GABPA: variants seen among roughly 807,000 people sequenced by gnomAD.
GABPA encodes the protein GA binding protein transcription factor subunit alpha.
Under a neutral mutation model 59.4 loss-of-function variants are expected in GABPA, and 4 were observed. The ratio of observed to expected loss-of-function variants is 0.07; its 90% confidence interval spans 0.03 to 0.15. GABPA has a LOEUF of 0.15. Ranked by LOEUF, GABPA falls within the 10% of genes least tolerant of loss-of-function variation. The pLI is 1.00. For missense variants in GABPA, 251 were observed against 543.8 expected (o/e 0.46, Z 5.36); for synonymous variants, 164 against 183.1 (o/e 0.90, Z 0.84).
chr21:25,749,619 G>A (rs2035457122), intron 4 of GABPA, among the ~76,000 whole-genome samples: 1 of 152,172 alleles, frequency 6.6e-6, no homozygotes, highest in Admixed American at 6.5e-5. Context: ...ATCATTTGAG[G>A]TCAAGAGTTT....
chr21:25,751,970 T>C lies in GABPA; in HGVS notation c.308-19T>C. 6.2e-7 allele frequency: 1 copy of C among 1,603,172 alleles called. No homozygotes were observed. The highest frequency in any genetic ancestry group is 1.1e-5 in the South Asian group (1 of 90,288). ...GCGTTTTCATTTAGATTTACAATTT[T>C]TTTTTATCCACTGTTCAGGAATTGA... On this transcript the variant is annotated intron_variant, in intron 4 of 9. Transcript: ENST00000400075.
chr21:25,757,408 T>G (rs1312692685), intron 5 of GABPA, among the ~76,000 whole-genome samples: 1 of 151,192 alleles, frequency 6.6e-6, no homozygotes, highest in Non-Finnish European at 1.5e-5. Flanking sequence ...ACTGTTAGGT[T>G]CTAAAGATAG....
intron 3 of GABPA, among the ~76,000 whole-genome samples, chr21:25,746,535 A>C (rs71649680): frequency 0.014 from 2,095 of 152,278 alleles, 47 homozygotes; most frequent in African/African-American, 0.048. Context: ...GAAGTGTTTT[A>C]ACAAAATTTG....
Position 25,764,353 on chromosome 21 carries a change from A to G in GABPA, c.943+3A>G, listed in dbSNP as rs767004923. 6.3e-7 allele frequency: 1 copy of G among 1,596,414 alleles called. No homozygotes were observed. Among genetic ancestry groups the G allele is most frequent in the Non-Finnish European group, 8.5e-7 (1 of 1,173,454 alleles). On this transcript the variant is annotated splice_donor_region_variant and intron_variant, in intron 8 of 9. Transcript: ENST00000400075. ...AAGCTCACCTGGGAACAGAACAGGTATTTTTGTATTTTCTTGTATTTATAA... is the reference window on the plus strand; with the variant it reads ...AAGCTCACCTGGGAACAGAACAGGTGTTTTTGTATTTTCTTGTATTTATAA...
chr21:25,750,875 A>G (rs1403570472), intron 4 of GABPA, among the ~76,000 whole-genome samples: 1 of 152,216 alleles, frequency 6.6e-6, no homozygotes, highest in African/African-American at 2.4e-5. Context: ...GATTTTAACA[A>G]AAAATATTTT....
intron 5 of GABPA, among the ~76,000 whole-genome samples, chr21:25,754,613 ATATATT>A (rs965669897): frequency 6.7e-5 from 10 of 150,132 alleles, no homozygotes; most frequent in African/African-American, 2.5e-4. Flanking sequence ...TATATTGATT[ATATATT>A]TTTTTTTAAC....
At chr21:25,753,175 C>T (rs982194775) in intron 5 of GABPA, among the ~76,000 whole-genome samples, 1 of 152,052 alleles carries the variant, frequency 6.6e-6, no homozygotes, top group African/African-American at 2.4e-5. Context: ...CTTTCAAAAG[C>T]CCAGTTGGGG....
chr21:25,763,520 T>G (rs575637243), intron 7 of GABPA, among the ~76,000 whole-genome samples: 1 of 152,292 alleles, frequency 6.6e-6, no homozygotes, highest in East Asian at 1.9e-4. Context: ...GAGAACTATC[T>G]TGAATTTTAT....
chr21:25,768,189 T>C (rs939460447), intron 9 of GABPA, among the ~76,000 whole-genome samples: 1 of 151,974 alleles, frequency 6.6e-6, no homozygotes, highest in African/African-American at 2.4e-5. Flanking sequence ...AAACTAGATT[T>C]CTAGAATGAT....
chr21:25,736,415 C>G (rs1264081169), intron 1 of GABPA, among the ~76,000 whole-genome samples: 15 of 152,286 alleles, frequency 9.8e-5, no homozygotes, highest in Non-Finnish European at 1.5e-5. Flanking sequence ...TCTTGAACTT[C>G]AGAAGAAACC....
intron 2 of GABPA, among the ~76,000 whole-genome samples, chr21:25,742,772 A>C (rs1057405998): frequency 6.9e-4 from 105 of 151,722 alleles, no homozygotes; most frequent in African/African-American, 2.4e-3. Context: ...AAAAAAAAAA[A>C]AATAGCCTGG....
At chr21:25,766,115 A>T (rs762379552) in intron 9 of GABPA, among the ~76,000 whole-genome samples, 3 of 151,996 alleles carry the variant, frequency 2.0e-5, no homozygotes, top group African/African-American at 7.2e-5. Flanking sequence ...CCAAAATAGA[A>T]CCAGGAATAT....
intron 4 of GABPA, among the ~76,000 whole-genome samples, chr21:25,751,394 G>A (rs2035509548): frequency 6.6e-6 from 1 of 150,884 alleles, no homozygotes; most frequent in East Asian, 1.9e-4. Context: ...TTTTTCCATA[G>A]GAATTACAGT....
rs2035979988 is a variant in GABPA at position 25,770,092 on chromosome 21, A to C, written c.*860A>C. ...TTGTTATGGCTTCCTTTTTTAAAAA[A>C]TTACCCTGTAGTGCCAGTTTATTAT... On this transcript the variant is annotated 3_prime_UTR_variant, in exon 10 of 10. Transcript: ENST00000400075. 6.6e-6 allele frequency: 1 copy of C among 152,582 alleles called. No homozygotes were observed. Among genetic ancestry groups the C allele is most frequent in the Non-Finnish European group, 1.5e-5 (1 of 68,002 alleles). The allele number at this position is 152,582 out of a possible 1,614,324, so 9.5% of individuals were successfully genotyped here. A position where few individuals can be genotyped will look rare whatever the true frequency, so the allele number is the denominator to read the frequency against.
Position 25,752,225 on chromosome 21 carries a change from A to G in GABPA, c.544A>G (p.Ile182Val), listed in dbSNP as rs2035530488. The G allele has an allele frequency of 6.2e-7, 1 of 1,613,234 alleles. No individual in the cohort carries two copies. The highest frequency in any genetic ancestry group is 8.5e-7 in the Non-Finnish European group (1 of 1,179,636). Residue 182 changes from isoleucine to valine, a missense_variant, in exon 5 of 10, where the codon ATA (isoleucine) becomes GTA (valine). This residue lies in a region of GABPA where 207 missense variants were observed against 366.7 expected (regional missense o/e 0.56). Transcript: ENST00000400075. Reference protein sequence around the residue: ...GYRKEQERLGIPYDPIQWSTD... With the variant: ...GYRKEQERLGVPYDPIQWSTD... ...TAGGAAAGAACAAGAACGCCTTGGG[A>G]TACCCTATGGTAATAAAATGCATAA...
intron 2 of GABPA, among the ~76,000 whole-genome samples, chr21:25,744,123 T>C (rs1360880068): frequency 6.6e-6 from 1 of 151,790 alleles, no homozygotes; most frequent in African/African-American, 2.4e-5. Context: ...TTTTTTTACC[T>C]TAACAAATAA....
At chr21:25,755,453 A>C (rs7276181) in intron 5 of GABPA, among the ~76,000 whole-genome samples, 56 of 145,248 alleles carry the variant, frequency 3.9e-4, no homozygotes, top group African/African-American at 1.2e-3. Context: ...AAAAAAAAAA[A>C]GGGCAAAGAA....
intron 1 of GABPA, among the ~76,000 whole-genome samples, chr21:25,737,204 G>T (rs7283438): frequency 0.035 from 5,356 of 152,296 alleles, 299 homozygotes; most frequent in African/African-American, 0.12. Flanking sequence ...ATATGAAATT[G>T]TTCTGTGCAG....
chr21:25,734,980 G>C lies in GABPA; in HGVS notation c.-625G>C, dbSNP rs1568933434. The stretch of plus-strand genomic sequence containing the variant: ...TTATGGGCCGCCGTTTCAGTCGGTC[G>C]ACGCTCACCGGACAGGAAGCGTCTC... On this transcript the variant is annotated 5_prime_UTR_variant, in exon 1 of 10. Transcript: ENST00000400075. The C allele has an allele frequency of 6.4e-7, 1 of 1,560,124 alleles. No homozygotes were observed. Among genetic ancestry groups the C allele is most frequent in the Non-Finnish European group, 8.7e-7 (1 of 1,154,406 alleles).
Sources: gnomAD v4.1 joint callset for allele counts (sites outside exome capture counted in the v4.1 genomes callset) on GRCh38, gnomAD v4.1.1 for gene constraint, gnomAD v4.1.1 regional missense constraint, MANE v1.5 for transcripts, NCBI Gene and HGNC (gene_info 2026-07-23, HGNC 2026-07-21) for gene names.